Variants in ERO1B observed in about 807,000 individuals in gnomAD.
ERO1B encodes ERO1-like protein beta.
ERO1B carries 49 observed loss-of-function variants against 75.3 expected under a neutral mutation model. The observed-to-expected ratio is 0.65, with a 90% CI of 0.52 to 0.83. The LOEUF is 0.83. ERO1B is among the 40% of genes least tolerant of loss of function. The probability of loss-of-function intolerance (pLI) is 0.00; values close to 1 mark genes in which losing one functional copy is unlikely to be tolerated. For missense variants in ERO1B, 512 were observed against 560.1 expected (o/e 0.91, Z 0.87); for synonymous variants, 191 against 192.9 (o/e 0.99, Z 0.08).
chr1:236,238,470 G>A (rs2812455), intron 6 of ERO1B, among the ~76,000 whole-genome samples: 35,328 of 150,378 alleles, frequency 0.23, 4,438 homozygotes, highest in East Asian at 0.38. Flanking sequence ...CCCAGGAGTC[G>A]GAGGCTGCAG....
intron 1 of ERO1B, among the ~76,000 whole-genome samples, chr1:236,270,601 C>T (rs1665568429): frequency 6.6e-6 from 1 of 151,956 alleles, no homozygotes. Context: ...ATTTGCTAAT[C>T]CAAGAAGAGA....
chr1:236,236,068 G>A (rs557103429), intron 7 of ERO1B, among the ~76,000 whole-genome samples: 1 of 152,218 alleles, frequency 6.6e-6, no homozygotes, highest in East Asian at 1.9e-4. Context: ...GGGATTACAG[G>A]CACCTGCCAT....
intron 2 of ERO1B, among the ~76,000 whole-genome samples, chr1:236,256,904 ATCTC>A (rs3081792): frequency 0.25 from 37,543 of 151,870 alleles, 4,788 homozygotes; most frequent in East Asian, 0.38. Context: ...TTCAGCAGCT[ATCTC>A]TCTCTTCCAA....
chr1:236,229,293 C>T (rs773125894), intron 10 of ERO1B, among the ~76,000 whole-genome samples: 10 of 151,810 alleles, frequency 6.6e-5, no homozygotes, highest in African/African-American at 1.9e-4. Context: ...GGTGTGGTGG[C>T]GGGTGCCTGT....
At chr1:236,232,803 A>G in intron 9 of ERO1B, 25 bp downstream of exon 9, 1 of 1,591,072 alleles carries the variant, frequency 6.3e-7, no homozygotes, top group Non-Finnish European at 8.6e-7. Context: ...CACACTTGAA[A>G]CAAACAAACA....
chr1:236,262,045 C>A (rs540996609), intron 2 of ERO1B, among the ~76,000 whole-genome samples: 27 of 152,288 alleles, frequency 1.8e-4, no homozygotes, highest in Admixed American at 1.8e-3. Context: ...AGCAAAAAAT[C>A]CAAAGGTGGA....
intron 6 of ERO1B, among the ~76,000 whole-genome samples, chr1:236,240,691 G>A (rs992314686): frequency 4.6e-5 from 7 of 152,064 alleles, no homozygotes; most frequent in South Asian, 2.1e-4. Context: ...CATCTACCAC[G>A]TCCAGGCACC....
At chr1:236,269,439 A>T (rs1226828639) in intron 2 of ERO1B, among the ~76,000 whole-genome samples, 1 of 152,170 alleles carries the variant, frequency 6.6e-6, no homozygotes, top group East Asian at 1.9e-4. Context: ...GTAGTGGTCT[A>T]CTTGGAGCCT....
intron 1 of ERO1B, among the ~76,000 whole-genome samples, chr1:236,273,097 T>C (rs976997725): frequency 6.6e-6 from 1 of 152,154 alleles, no homozygotes; most frequent in Non-Finnish European, 1.5e-5. Context: ...TTTGAGGATC[T>C]TGAGATGGAA....
intron 15 of ERO1B, among the ~76,000 whole-genome samples, chr1:236,219,016 TAGTATTC>T (rs1181042012): frequency 6.6e-6 from 1 of 152,142 alleles, no homozygotes; most frequent in Non-Finnish European, 1.5e-5. Flanking sequence ...TTGATGCTTA[TAGTATTC>T]AGTAAATGAT....
intron 1 of ERO1B, among the ~76,000 whole-genome samples, chr1:236,271,715 AGCTCCTCTT>A (rs1292375293): frequency 1.3e-5 from 2 of 151,960 alleles, no homozygotes; most frequent in Non-Finnish European, 2.9e-5. Flanking sequence ...GTGTCCTTTA[AGCTCCTCTT>A]TAATTACATC....
chr1:236,218,534 T>C lies in ERO1B; in HGVS notation c.1386A>G (p.Leu462=). The C allele has an allele frequency of 7.1e-7, 1 of 1,417,228 alleles. No homozygotes were observed. Among genetic ancestry groups the C allele is most frequent in the Non-Finnish European group, 9.3e-7 (1 of 1,076,698 alleles). 87.8% of individuals were successfully genotyped at this position (1,417,228 alleles called of 1,614,324 possible). ...SIRDLQNFKV[L]LQHSR ...GCCTTTATTACCTACTGTGTTGTAA[T>C]AAGACTTTAAAATTCTGTAAGTCTC... Residue 462 remains leucine (L), a synonymous_variant, in exon 16 of 16, where the codon TTA becomes TTG. Transcript: ENST00000354619.
At chr1:236,275,423 T>C (rs1665690070) in intron 1 of ERO1B, among the ~76,000 whole-genome samples, 1 of 152,154 alleles carries the variant, frequency 6.6e-6, no homozygotes, top group Admixed American at 6.5e-5. Context: ...AACTCAGTAA[T>C]AACCAAATGG....
At chr1:236,226,181 T>A (rs1449604913) in intron 12 of ERO1B, 88 bp downstream of exon 12, 1 of 1,373,722 alleles carries the variant, frequency 7.3e-7, no homozygotes, top group Non-Finnish European at 1.0e-6. Context: ...CTCGGTTAAC[T>A]TTTAGGAGTC....
At chr1:236,249,838 T>G in intron 5 of ERO1B, 47 bp downstream of exon 5, 3 of 1,325,998 alleles carry the variant, frequency 2.3e-6, no homozygotes, top group Non-Finnish European at 3.1e-6. Context: ...AATTGATTCT[T>G]GATATCAATG....
chr1:236,219,003 C>T (rs1460077622), intron 15 of ERO1B, among the ~76,000 whole-genome samples: 1 of 151,972 alleles, frequency 6.6e-6, no homozygotes, highest in Middle Eastern at 3.2e-3. Flanking sequence ...TGCCCCATAC[C>T]CATTGATGCT....
chr1:236,273,691 A>G (rs1167076960), intron 1 of ERO1B, among the ~76,000 whole-genome samples: 1 of 151,870 alleles, frequency 6.6e-6, no homozygotes, highest in Non-Finnish European at 1.5e-5. Context: ...CTGTAGTCCC[A>G]GCTACTCAAG....
In ERO1B at chr1:236,221,652, GACC is replaced by G. The variant is rs533338366; in HGVS notation, c.1209+269_1209+271del. On this transcript the variant is annotated intron_variant, in intron 14 of 15. Coordinates refer to ENST00000354619, the MANE Select transcript of ERO1B (RefSeq NM_019891.4). ...AATACGGATATACTCGGTTCGTAAT[GACC>G]ACCAACTTCACAAATGAATCTGGTA... The G allele has an allele frequency of 1.7e-4, 55 of 320,222 alleles. No homozygotes were observed. In the Middle Eastern group the frequency reaches 2.8e-3, roughly 16 times the overall value. 19.8% of individuals were successfully genotyped at this position (320,222 alleles called of 1,614,324 possible).
At chr1:236,218,932 T>C (rs956132141) in intron 15 of ERO1B, among the ~76,000 whole-genome samples, 9 of 152,170 alleles carry the variant, frequency 5.9e-5, no homozygotes, top group Admixed American at 2.0e-4. Context: ...TAATTTGTCT[T>C]ATGTTGTTAG....
Sources: allele counts gnomAD v4.1 joint callset (sites outside exome capture counted in the v4.1 genomes callset), GRCh38; gene constraint gnomAD v4.1.1; transcripts MANE v1.5; gene names NCBI Gene and HGNC (gene_info 2026-07-23, HGNC 2026-07-21).